The following LAMA2 variants were observed in gnomAD, a reference collection of about 807,000 sequenced individuals.
LAMA2 encodes laminin subunit alpha 2, also known as laminin subunit alpha-2.
A neutral mutation model predicts 364.8 loss-of-function variants in LAMA2; 269 were observed. The observed-to-expected ratio is 0.74, with a 90% confidence interval of 0.67 to 0.82. The LOEUF is 0.82. Among genes scored for constraint, LAMA2 ranks in the 40% least tolerant of loss-of-function variants. The probability of loss-of-function intolerance (pLI) is 0.00; values close to 1 mark genes in which losing one functional copy is unlikely to be tolerated. For missense variants in LAMA2, 3,807 were observed against 3,873.2 expected, an observed-to-expected ratio of 0.98 and a Z score of 0.45; for synonymous variants, 1,379 against 1,370.6, an observed-to-expected ratio of 1.01 and a Z score of -0.14.
intron 17 of LAMA2, among the ~76,000 whole-genome samples, chr6:129,272,032 T>C (rs1787974908): frequency 6.6e-6 from 1 of 152,164 alleles, no homozygotes; most frequent in African/African-American, 2.4e-5. Flanking sequence ...ATGACCTTCT[T>C]TACTCAGAAT....
At chr6:129,472,995 G>T (rs1389023446) in intron 51 of LAMA2, among the ~76,000 whole-genome samples, 1 of 151,886 alleles carries the variant, frequency 6.6e-6, no homozygotes, top group Non-Finnish European at 1.5e-5. Flanking sequence ...CTTCACTGGT[G>T]TTCAAGCTAT....
chr6:128,979,318 A>G (rs1045479360), intron 1 of LAMA2, among the ~76,000 whole-genome samples: 1 of 152,164 alleles, frequency 6.6e-6, no homozygotes, highest in Non-Finnish European at 1.5e-5. Context: ...TCTCCGTTTG[A>G]ACTAGTGCAG....
intron 1 of LAMA2, among the ~76,000 whole-genome samples, chr6:128,883,827 CACACACACATAT>C (rs1233958850): frequency 9.1e-5 from 11 of 121,306 alleles, no homozygotes; most frequent in African/African-American, 2.8e-4. Flanking sequence ...CACACACACA[CACACACACATAT>C]ATATATATAT....
chr6:129,467,517 TAATAAA>T (rs1397969050), intron 51 of LAMA2, among the ~76,000 whole-genome samples: 2 of 151,722 alleles, frequency 1.3e-5, no homozygotes, highest in Non-Finnish European at 2.9e-5. Flanking sequence ...AATTGTGAAA[TAATAAA>T]AATAAAAATA....
chr6:129,360,995 A>C (rs1413775140), intron 32 of LAMA2, among the ~76,000 whole-genome samples: 1 of 152,182 alleles, frequency 6.6e-6, no homozygotes, highest in Non-Finnish European at 1.5e-5. Context: ...AACTGATTCA[A>C]TTCCTTCTTG....
intron 28 of LAMA2, among the ~76,000 whole-genome samples, chr6:129,321,936 G>A (rs948060159): frequency 6.6e-6 from 1 of 152,130 alleles, no homozygotes; most frequent in African/African-American, 2.4e-5. Flanking sequence ...TACTTGGACA[G>A]GTTACTTGCT....
chr6:129,165,400 G>A (rs919203544), intron 8 of LAMA2, among the ~76,000 whole-genome samples, 176 bp from the exon 9 acceptor site: 1 of 152,040 alleles, frequency 6.6e-6, no homozygotes, highest in East Asian at 1.9e-4. Flanking sequence ...GTGTAAGCAT[G>A]TAAAAGAACT....
chr6:129,323,039 AAT>A (rs1775063600), intron 28 of LAMA2, among the ~76,000 whole-genome samples: 1 of 152,212 alleles, frequency 6.6e-6, no homozygotes, highest in Non-Finnish European at 1.5e-5. Flanking sequence ...TAATTGCAGT[AAT>A]ATCTTAGTAG....
intron 8 of LAMA2, among the ~76,000 whole-genome samples, chr6:129,163,092 T>G (rs1258281119): frequency 6.6e-6 from 1 of 152,134 alleles, no homozygotes; most frequent in African/African-American, 2.4e-5. Flanking sequence ...TTTAGGAAAT[T>G]TTAGGCTATT....
chr6:128,944,678 G>A (rs988040076), intron 1 of LAMA2, among the ~76,000 whole-genome samples: 1 of 151,914 alleles, frequency 6.6e-6, no homozygotes, highest in Non-Finnish European at 1.5e-5. Flanking sequence ...AGACGATTAA[G>A]TGGTTCTAGA....
intron 7 of LAMA2, among the ~76,000 whole-genome samples, chr6:129,151,890 A>G (rs557973277): frequency 6.6e-6 from 1 of 152,336 alleles, no homozygotes; most frequent in African/African-American, 2.4e-5. Context: ...AAGAAAAAAA[A>G]GGAATTCTTG....
intron 10 of LAMA2, among the ~76,000 whole-genome samples, chr6:129,188,078 C>G (rs1226753609): frequency 6.6e-6 from 1 of 151,812 alleles, no homozygotes; most frequent in Non-Finnish European, 1.5e-5. Context: ...AGTGCTTCCT[C>G]TATGTTCCCG....
chr6:129,151,446 A>G (rs1044946919), intron 7 of LAMA2, among the ~76,000 whole-genome samples: 1 of 152,156 alleles, frequency 6.6e-6, no homozygotes, highest in African/African-American at 2.4e-5. Flanking sequence ...AGCTACTGGA[A>G]AGAAGCTATG....
chr6:129,434,912 G>A (rs901699491), intron 41 of LAMA2, among the ~76,000 whole-genome samples: 1 of 151,882 alleles, frequency 6.6e-6, no homozygotes, highest in African/African-American at 2.4e-5. Context: ...GTAAGAAAGG[G>A]CAAATTAATA....
intron 61 of LAMA2, among the ~76,000 whole-genome samples, chr6:129,506,693 A>T (rs1023530774): frequency 6.6e-6 from 1 of 152,166 alleles, no homozygotes; most frequent in Non-Finnish European, 1.5e-5. Context: ...ATACATTTCT[A>T]TACTCAAATT....
chr6:129,039,146 A>T (rs569010623), intron 1 of LAMA2, among the ~76,000 whole-genome samples: 1 of 152,222 alleles, frequency 6.6e-6, no homozygotes, highest in African/African-American at 2.4e-5. Flanking sequence ...TTACAGTATG[A>T]TGAGGGTTCT....
chr6:128,885,721 A>G (rs968100026), intron 1 of LAMA2, among the ~76,000 whole-genome samples: 1 of 152,174 alleles, frequency 6.6e-6, no homozygotes, highest in Non-Finnish European at 1.5e-5. Context: ...TTTGACATGA[A>G]TCAACCATTT....
chr6:129,263,543 T>C (rs1180143232), intron 15 of LAMA2, among the ~76,000 whole-genome samples: 1 of 151,962 alleles, frequency 6.6e-6, no homozygotes, highest in Non-Finnish European at 1.5e-5. Context: ...CTGTAAGGAC[T>C]GGAAAGAAGG....
At chr6:129,371,254 TG>T (rs1275945131) in intron 34 of LAMA2, among the ~76,000 whole-genome samples, 5 of 149,824 alleles carry the variant, frequency 3.3e-5, no homozygotes, top group Non-Finnish European at 7.4e-5. Flanking sequence ...GAGATGTGTG[TG>T]TGTGTGTGTG....
Sources: gnomAD v4.1 joint callset for allele counts (sites outside exome capture counted in the v4.1 genomes callset) on GRCh38, gnomAD v4.1.1 for gene constraint, MANE v1.5 for transcripts, NCBI Gene and HGNC (gene_info 2026-07-23, HGNC 2026-07-21) for gene names.